C11orf97: variants seen among roughly 807,000 people sequenced by gnomAD.
C11orf97 encodes the protein uncharacterized protein C11orf97.
C11orf97 carries 15 observed loss-of-function variants against 16.2 expected under a neutral mutation model. That is an observed-to-expected ratio of 0.93 (90% CI 0.62 to 1.43). C11orf97 has a LOEUF of 1.43. Ranked by LOEUF, C11orf97 falls within the 40% of genes most tolerant of loss-of-function variation. The probability of loss-of-function intolerance (pLI) is 0.00; values close to 1 mark genes in which losing one functional copy is unlikely to be tolerated. For missense variants in C11orf97, 171 were observed against 161.2 expected (o/e 1.06, Z -0.33); for synonymous variants, 61 against 65.7 (o/e 0.93, Z 0.34).
intron 1 of C11orf97, among the ~76,000 whole-genome samples, chr11:94,514,555 C>T (rs1030448991): frequency 1.3e-5 from 2 of 151,916 alleles, no homozygotes; most frequent in Admixed American, 6.5e-5. Context: ...TGTAAACATC[C>T]TTGAATTATA....
In C11orf97 at chr11:94,517,722, A is replaced by C. The variant is rs977074419; in HGVS notation, c.250+35A>C. Reference sequence around the variant, plus strand: ...GTGACAAATGAAGTATGTTTGTGAAATGAATATGAAATTGCCTACTTGATG... The same window carrying C: ...GTGACAAATGAAGTATGTTTGTGAACTGAATATGAAATTGCCTACTTGATG... On this transcript the variant is annotated intron_variant, in intron 2 of 3. Transcript: ENST00000542198. 2.9e-6 allele frequency: 4 copies of C among 1,358,766 alleles called. No individual in the cohort carries two copies. The African/African-American group carries it at 5.9e-5, about 20-fold the overall frequency. The allele number at this position is 1,358,766 out of a possible 1,614,324, so 84.2% of individuals were successfully genotyped here. A position where few individuals can be genotyped will look rare whatever the true frequency, so the allele number is the denominator to read the frequency against.
In C11orf97 at chr11:94,512,664, G is replaced by A. The variant is rs886369539; in HGVS notation, c.136G>A (p.Gly46Ser). The A allele has an allele frequency of 2.4e-6, 3 of 1,241,538 alleles. No homozygotes were observed. Among genetic ancestry groups the A allele is most frequent in the Admixed American group, 8.4e-5 (2 of 23,730 alleles). 76.9% of individuals were successfully genotyped at this position (1,241,538 alleles called of 1,614,324 possible). A position where few individuals can be genotyped will look rare whatever the true frequency, so the allele number is the denominator to read the frequency against. ...ACCCGGCCGCGGCCCCCTAGAGCAC[G>A]GCCAGCAGTGTGAGTTCAGCTCCAG... is the stretch of plus-strand genomic sequence containing the variant. ...GEPGRGPLEH[G>S]QQWKKFLYCE... The change falls in exon 1 of 4, where the codon GGC (glycine) becomes AGC (serine). Residue 46 changes from glycine to serine, a missense_variant. Gly to Ser is a moderately conservative substitution (Grantham distance 56, BLOSUM62 0). Transcript: ENST00000542198.
In C11orf97 at chr11:94,512,508, C is replaced by T; in HGVS notation, c.-21C>T. 1 of 1,288,466 alleles carries T rather than the reference C, an allele frequency of 7.8e-7. No individual in the cohort carries two copies. Among genetic ancestry groups the T allele is most frequent in the Admixed American group, 3.9e-5 (1 of 25,894 alleles). The allele number at this position is 1,288,466 out of a possible 1,614,324, so 79.8% of individuals were successfully genotyped here. ...GCTGAGAAGGAAACCGTGCCCAGGG[C>T]TCTCGGAAGACCGCTGCGGCATGAC... On this transcript the variant is annotated 5_prime_UTR_variant, in exon 1 of 4. Coordinates refer to ENST00000542198, the MANE Select transcript of C11orf97 (RefSeq NM_001190462.2).
In C11orf97 at chr11:94,528,172, ACAAGC is replaced by A; in HGVS notation, c.344_348del (p.Ala115ValfsTer13). The A allele has an allele frequency of 6.5e-7, 1 of 1,535,988 alleles. No homozygotes were observed. Among genetic ancestry groups the A allele is most frequent in the Non-Finnish European group, 8.7e-7 (1 of 1,146,814 alleles). ...TGCCGAGCAGAAACAGTTTATTGCC[ACAAGC>A]CAAGTACTACTCCAGGCACGGAGGA... On this transcript the variant is annotated frameshift_variant, in exon 3 of 4. Coordinates refer to ENST00000542198, the MANE Select transcript of C11orf97 (RefSeq NM_001190462.2). LOFTEE classifies it high-confidence loss of function.
intron 2 of C11orf97, among the ~76,000 whole-genome samples, chr11:94,525,812 T>A (rs954187763): frequency 3.9e-5 from 6 of 152,240 alleles, no homozygotes; most frequent in African/African-American, 1.4e-4. Flanking sequence ...TGAAAGGAAC[T>A]AAAATATTTT....
At chr11:94,515,086 C>A (rs138811962) in intron 1 of C11orf97, among the ~76,000 whole-genome samples, 1 of 152,136 alleles carries the variant, frequency 6.6e-6, no homozygotes, top group Admixed American at 6.5e-5. Flanking sequence ...TATAACTGTG[C>A]GTTGTAATAA....
At chr11:94,530,223 C>T (rs983617755) in intron 3 of C11orf97, among the ~76,000 whole-genome samples, 2 of 152,192 alleles carry the variant, frequency 1.3e-5, no homozygotes, top group Non-Finnish European at 2.9e-5. Context: ...TTCCTAGTAG[C>T]CCTCGGCCCT....
Position 94,512,630 on chromosome 11 carries a change from G to A in C11orf97, c.102G>A (p.Ala34=). Residue 34 remains alanine, a synonymous_variant, in exon 1 of 4, where the codon GCG becomes GCA. Coordinates refer to ENST00000542198, the MANE Select transcript of C11orf97 (RefSeq NM_001190462.2). ...PPPPAGLGCG[A]RGEPGRGPLE... ...CGCCAGCAGGGCTGGGGTGCGGGGC[G>A]CGCGGGGAACCCGGCCGCGGCCCCC... The A allele has an allele frequency of 8.0e-7, 1 of 1,256,370 alleles. No individual in the cohort carries two copies. Among genetic ancestry groups the A allele is most frequent in the Non-Finnish European group, 1.0e-6 (1 of 999,684 alleles). The allele number at this position is 1,256,370 out of a possible 1,614,324, so 77.8% of individuals were successfully genotyped here.
At chr11:94,513,175 C>G (rs774398107) in intron 1 of C11orf97, among the ~76,000 whole-genome samples, 6 of 152,198 alleles carry the variant, frequency 3.9e-5, no homozygotes, top group Non-Finnish European at 8.8e-5. Context: ...ACTTCCATCT[C>G]TTGGACTCTC....
At chr11:94,527,949 A>G (rs933265063) in intron 2 of C11orf97, 135 bp from the exon 3 acceptor site, 2 of 727,916 alleles carry the variant, frequency 2.7e-6, no homozygotes, top group African/African-American at 3.6e-5. Context: ...TAAAGATTTG[A>G]GTGGTTTGAT....
intron 2 of C11orf97, among the ~76,000 whole-genome samples, chr11:94,525,790 T>C (rs183204143): frequency 4.8e-4 from 73 of 152,282 alleles, no homozygotes; most frequent in Non-Finnish European, 2.8e-4. Flanking sequence ...TTATTTACAA[T>C]CCAAAGAGAG....
At chr11:94,520,092 C>T (rs947195967) in intron 2 of C11orf97, among the ~76,000 whole-genome samples, 2 of 152,202 alleles carry the variant, frequency 1.3e-5, no homozygotes, top group South Asian at 4.1e-4. Flanking sequence ...TTTCTCCTCC[C>T]CTTTACTTCT....
Position 94,517,590 on chromosome 11 carries a change from A to AT in C11orf97, c.158dup (p.Leu53PhefsTer4), listed in dbSNP as rs1167962125. 2.0e-6 allele frequency: 3 copies of AT among 1,524,678 alleles called. No individual in the cohort carries two copies. In the South Asian group the frequency reaches 3.7e-5, roughly 19 times the overall value. 94.4% of individuals were successfully genotyped at this position (1,524,678 alleles called of 1,614,324 possible). On this transcript the variant is annotated frameshift_variant, in exon 2 of 4. Coordinates refer to ENST00000542198, the MANE Select transcript of C11orf97 (RefSeq NM_001190462.2). LOFTEE classifies it high-confidence loss of function. Reference sequence around the variant, plus strand: ...TTGTTAATGCCTTTATAGGGAAGAAATTTTTATATTGTGAGCCACATAAGA... The same window carrying AT: ...TTGTTAATGCCTTTATAGGGAAGAAATTTTTTATATTGTGAGCCACATAAGA...
chr11:94,520,097 A>G (rs1041770915), intron 2 of C11orf97, among the ~76,000 whole-genome samples: 1 of 152,062 alleles, frequency 6.6e-6, no homozygotes, highest in East Asian at 1.9e-4. Context: ...CCTCCCCTTT[A>G]CTTCTCCTTT....
At chr11:94,520,435 C>T (rs1947648914) in intron 2 of C11orf97, among the ~76,000 whole-genome samples, 1 of 152,216 alleles carries the variant, frequency 6.6e-6, no homozygotes, top group South Asian at 2.1e-4. Context: ...TACCTACCCT[C>T]ACACCGTGGG....
At chr11:94,520,363 T>C (rs914447676) in intron 2 of C11orf97, among the ~76,000 whole-genome samples, 4 of 152,178 alleles carry the variant, frequency 2.6e-5, no homozygotes, top group African/African-American at 9.7e-5. Context: ...CCATCTTCTT[T>C]GCTGGCTCTC....
chr11:94,514,409 G>A (rs148157408), intron 1 of C11orf97, among the ~76,000 whole-genome samples: 25 of 152,202 alleles, frequency 1.6e-4, no homozygotes, highest in Non-Finnish European at 2.9e-4. Context: ...CAGGCTGTTC[G>A]CACAAGCACA....
chr11:94,514,601 A>G (rs1209032055), intron 1 of C11orf97, among the ~76,000 whole-genome samples: 2 of 149,220 alleles, frequency 1.3e-5, no homozygotes, highest in African/African-American at 5.0e-5. Flanking sequence ...CAAATCTTTC[A>G]TAGACTTAAT....
intron 1 of C11orf97, among the ~76,000 whole-genome samples, chr11:94,513,015 A>C (rs572905172): frequency 6.6e-6 from 1 of 152,242 alleles, no homozygotes; most frequent in South Asian, 2.1e-4. Context: ...GTATATGTGT[A>C]TGTATGTATG....
Sources: allele counts gnomAD v4.1 joint callset (sites outside exome capture counted in the v4.1 genomes callset), GRCh38; gene constraint gnomAD v4.1.1; transcripts MANE v1.5; gene names NCBI Gene and HGNC (gene_info 2026-07-23, HGNC 2026-07-21).